Variants in TMEM132D observed in about 807,000 individuals in gnomAD.
The protein encoded by TMEM132D is mature OL transmembrane protein.
A neutral mutation model predicts 62.3 loss-of-function variants in TMEM132D; 21 were observed. The observed-to-expected ratio is 0.34, with a 90% CI of 0.24 to 0.49. TMEM132D has a LOEUF of 0.49. Ranked by LOEUF, TMEM132D falls within the 20% of genes least tolerant of loss-of-function variation. The pLI, the probability that TMEM132D is intolerant of heterozygous loss-of-function variation, is 0.99. For missense variants in TMEM132D, 1,346 were observed against 1,402.8 expected (o/e 0.96, Z 0.65); for synonymous variants, 621 against 575.6 (o/e 1.08, Z -1.13).
rs141655335 is a variant in TMEM132D at position 129,771,980 on chromosome 12, C to T, written c.80-71282G>A. On this transcript the variant is annotated intron_variant, in intron 1 of 8. Transcript: ENST00000422113. The stretch of plus-strand genomic sequence containing the variant: ...TAACCTAAGTTATATAAACAAAGGA[C>T]GGCAGTGATATCTCCCCCAAGAAAG... Among the ~76,000 whole-genome samples the T allele has an allele frequency of 8.1e-3, 1,236 of 152,272 alleles. 16 individuals carry two copies. The highest frequency in any genetic ancestry group is 0.014 in the Middle Eastern group (4 of 294).
At chr12:129,156,482 C>T (rs1180847384) in intron 5 of TMEM132D, among the ~76,000 whole-genome samples, 2 of 152,112 alleles carry the variant, frequency 1.3e-5, no homozygotes, top group South Asian at 2.1e-4. Flanking sequence ...CCTGAGATAG[C>T]TAGTTCACTC....
chr12:129,812,886 C>T (rs1222695298), intron 1 of TMEM132D, among the ~76,000 whole-genome samples: 1 of 151,672 alleles, frequency 6.6e-6, no homozygotes, highest in Non-Finnish European at 1.5e-5. Context: ...AATGTGTGTC[C>T]CTAAGCCTGA....
intron 1 of TMEM132D, among the ~76,000 whole-genome samples, chr12:129,880,252 C>A (rs969993109): frequency 9.9e-5 from 15 of 152,110 alleles, no homozygotes; most frequent in African/African-American, 3.4e-4. Flanking sequence ...ACCCAGAATT[C>A]TATACCCAGT....
intron 4 of TMEM132D, among the ~76,000 whole-genome samples, chr12:129,256,647 C>A (rs926431603): frequency 5.9e-5 from 9 of 152,144 alleles, no homozygotes; most frequent in Non-Finnish European, 1.2e-4. Context: ...GTCTTGAACT[C>A]CTGACCTCAG....
intron 2 of TMEM132D, among the ~76,000 whole-genome samples, chr12:129,645,919 C>A (rs1879766211): frequency 1.3e-5 from 2 of 152,096 alleles, no homozygotes; most frequent in African/African-American, 2.4e-5. Flanking sequence ...GGGGGTAGAA[C>A]CCTCAGTTCC....
chr12:129,349,655 G>A (rs1869802271), intron 3 of TMEM132D, among the ~76,000 whole-genome samples: 1 of 152,158 alleles, frequency 6.6e-6, no homozygotes, highest in South Asian at 2.1e-4. Context: ...CAGCACACGG[G>A]AACATACCCT....
At chr12:129,141,339 G>T (rs1431199560) in intron 5 of TMEM132D, among the ~76,000 whole-genome samples, 1 of 152,170 alleles carries the variant, frequency 6.6e-6, no homozygotes, top group African/African-American at 2.4e-5. Context: ...TGTGTCTAAT[G>T]CTGTGGCTGT....
chr12:129,614,982 C>G (rs1300009136), intron 2 of TMEM132D, among the ~76,000 whole-genome samples: 1 of 152,152 alleles, frequency 6.6e-6, no homozygotes, highest in Non-Finnish European at 1.5e-5. Flanking sequence ...GTATTTATAT[C>G]TCTTGTAATC....
intron 3 of TMEM132D, among the ~76,000 whole-genome samples, chr12:129,367,632 A>G (rs1870459340): frequency 6.6e-6 from 1 of 152,090 alleles, no homozygotes; most frequent in Non-Finnish European, 1.5e-5. Context: ...GGCCAAGAGG[A>G]TGAGTGGTAG....
At chr12:129,306,948 C>T (rs1190106149) in intron 4 of TMEM132D, among the ~76,000 whole-genome samples, 2 of 152,028 alleles carry the variant, frequency 1.3e-5, no homozygotes, top group Admixed American at 6.6e-5. Context: ...CGCTAGTGAG[C>T]GACGGGTAGG....
At chr12:129,525,320 C>G (rs979365020) in intron 3 of TMEM132D, among the ~76,000 whole-genome samples, 14 of 138,776 alleles carry the variant, frequency 1.0e-4, no homozygotes, top group African/African-American at 3.7e-4. Context: ...CTGTTGTATC[C>G]CTAATGCAGA....
At chr12:129,273,697 A>G (rs973756505) in intron 4 of TMEM132D, among the ~76,000 whole-genome samples, 21 of 151,978 alleles carry the variant, frequency 1.4e-4, no homozygotes, top group African/African-American at 5.1e-4. Context: ...GTTCTCATTT[A>G]TAAGCGGGAG....
At chr12:129,665,696 C>A (rs1384132707) in intron 2 of TMEM132D, among the ~76,000 whole-genome samples, 3 of 151,996 alleles carry the variant, frequency 2.0e-5, no homozygotes, top group Non-Finnish European at 2.9e-5. Context: ...TGCTATGTCA[C>A]CTTTTTCTAC....
At chr12:129,654,205 T>C (rs531950622) in intron 2 of TMEM132D, among the ~76,000 whole-genome samples, 6 of 152,282 alleles carry the variant, frequency 3.9e-5, no homozygotes, top group African/African-American at 1.4e-4. Flanking sequence ...GCTCTTTCCC[T>C]TGGCTCCTGT....
At position 129,291,840 on chromosome 12, in the gene TMEM132D, A is replaced by G. The variant is rs1352845748; in HGVS notation, c.1299+45794T>C. Among the ~76,000 whole-genome samples the G allele has an allele frequency of 4.6e-5, 7 of 152,150 alleles. No individual in the cohort carries two copies. In the East Asian group the frequency reaches 1.3e-3, roughly 29 times the overall value. On this transcript the variant is annotated intron_variant, in intron 4 of 8. Transcript: ENST00000422113. ...AAAGCCTGATTTCTGTTCTAAGCAGAGGCTAGGAGGCTGGGGAAGGTCAAA... is the reference window on the plus strand; with the variant it reads ...AAAGCCTGATTTCTGTTCTAAGCAGGGGCTAGGAGGCTGGGGAAGGTCAAA...
Position 129,228,617 on chromosome 12 carries a change from G to A in TMEM132D, c.1300-18954C>T, listed in dbSNP as rs146856689. Reference sequence around the variant, plus strand: ...CAACCTGAATCGAATCATGTGATGTGTGGTCTTTTGAGACTGGCTGCTTTC... The same window carrying A: ...CAACCTGAATCGAATCATGTGATGTATGGTCTTTTGAGACTGGCTGCTTTC... On this transcript the variant is annotated intron_variant, in intron 4 of 8. Transcript: ENST00000422113. 4.0e-3 allele frequency among the ~76,000 whole-genome samples: 614 copies of A among 152,192 alleles called. 3 individuals are homozygous for A. The highest frequency in any genetic ancestry group is 0.014 in the African/African-American group (580 of 41,524).
At chr12:129,436,685 T>C (rs1057001777) in intron 3 of TMEM132D, among the ~76,000 whole-genome samples, 4 of 152,164 alleles carry the variant, frequency 2.6e-5, no homozygotes, top group African/African-American at 9.7e-5. Flanking sequence ...CTCCAAAACA[T>C]ATTAGGAGGG....
At chr12:129,582,177 G>A (rs921827037) in intron 2 of TMEM132D, among the ~76,000 whole-genome samples, 4 of 152,234 alleles carry the variant, frequency 2.6e-5, no homozygotes, top group East Asian at 3.8e-4. Flanking sequence ...CCGATCCCAT[G>A]TATTTTTGAC....
intron 5 of TMEM132D, among the ~76,000 whole-genome samples, chr12:129,145,252 T>C (rs757160312): frequency 1.3e-5 from 2 of 152,172 alleles, no homozygotes; most frequent in Non-Finnish European, 2.9e-5. Context: ...CTGTTTCTCT[T>C]ACTAACTCTG....
Sources: gnomAD v4.1 joint callset for allele counts (sites outside exome capture counted in the v4.1 genomes callset) on GRCh38, gnomAD v4.1.1 for gene constraint, MANE v1.5 for transcripts, NCBI Gene and HGNC (gene_info 2026-07-23, HGNC 2026-07-21) for gene names.